Variants in CFAP47 observed in about 807,000 individuals in gnomAD.
CFAP47 encodes cilia- and flagella-associated protein 47.
Under a neutral mutation model 148.1 loss-of-function variants are expected in CFAP47, and 29 were observed. The ratio of observed to expected loss-of-function variants is 0.20; its 90% CI spans 0.15 to 0.27. CFAP47 has a LOEUF of 0.27. Among genes scored for constraint, CFAP47 ranks in the 10% least tolerant of loss-of-function variants. The pLI, the probability that CFAP47 is intolerant of heterozygous loss-of-function variation, is 1.00. For missense variants in CFAP47, 1,872 were observed against 1,697.5 expected, an observed-to-expected ratio of 1.10 and a Z score of -1.81; for synonymous variants, 664 against 577.3, an observed-to-expected ratio of 1.15 and a Z score of -2.15.
chrX:36,242,901 A>G (rs1555996295), intron 48 of CFAP47, among the ~76,000 whole-genome samples: 1 of 111,645 alleles, frequency 9.0e-6, no homozygotes, highest in Non-Finnish European at 1.9e-5. Context: ...GGTCAATGTG[A>G]AAGAAAAAGT....
intron 37 of CFAP47, among the ~76,000 whole-genome samples, chrX:36,150,318 A>G (rs1939292846): frequency 8.9e-6 from 1 of 112,076 alleles, no homozygotes; most frequent in Non-Finnish European, 1.9e-5. Flanking sequence ...CATGTTGGAT[A>G]TGCCAACACA....
At chrX:36,038,498 G>T (rs1052738716) in intron 24 of CFAP47, among the ~76,000 whole-genome samples, 4 of 111,568 alleles carry the variant, frequency 3.6e-5, no homozygotes, top group African/African-American at 1.3e-4. Context: ...GGTAAAATTG[G>T]CCAGTCAACC....
chrX:36,351,412 T>G (rs1941741926), intron 59 of CFAP47, among the ~76,000 whole-genome samples: 1 of 111,938 alleles, frequency 8.9e-6, no homozygotes. Flanking sequence ...TGCTTAAAAT[T>G]TATAATACAC....
intron 53 of CFAP47, among the ~76,000 whole-genome samples, chrX:36,302,655 TAA>T (rs1245233411): frequency 8.9e-6 from 1 of 112,171 alleles, no homozygotes; most frequent in Non-Finnish European, 1.9e-5. Context: ...TGCTGTACAT[TAA>T]AAACCATTAG....
At chrX:36,120,162 CAGGTA>C (rs1488321477) in intron 33 of CFAP47, among the ~76,000 whole-genome samples, 1 of 106,136 alleles carries the variant, frequency 9.4e-6, no homozygotes, top group Non-Finnish European at 1.9e-5. Context: ...CCACCACACC[CAGGTA>C]ATTTTTTTTT....
At position 36,257,878 on chromosome X, in the gene CFAP47, G is replaced by C. The variant is rs370006192; in HGVS notation, c.7444+6434G>C. On this transcript the variant is annotated intron_variant, in intron 49 of 63. Transcript: ENST00000378653. Reference sequence around the variant, plus strand: ...AAAAACTAAATACAAAGGACCAAAGGGTTTCCAGTCATATTAGTAGTCTTC... The same window carrying C: ...AAAAACTAAATACAAAGGACCAAAGCGTTTCCAGTCATATTAGTAGTCTTC... Among the ~76,000 whole-genome samples, 11 of 111,495 alleles carry C rather than the reference G, an allele frequency of 9.9e-5. 1 individual carries two copies. The East Asian group carries it at 2.8e-3, about 29-fold the overall frequency.
At chrX:36,192,227 A>T (rs1441318951) in intron 42 of CFAP47, among the ~76,000 whole-genome samples, 1 of 111,450 alleles carries the variant, frequency 9.0e-6, no homozygotes, top group African/African-American at 3.3e-5. Context: ...TTCTTAACTA[A>T]GGGAGAAACC....
intron 35 of CFAP47, among the ~76,000 whole-genome samples, chrX:36,142,602 C>A (rs57029616): frequency 0.099 from 10,989 of 110,985 alleles, 1,062 homozygotes; most frequent in African/African-American, 0.3. Context: ...TGCTTTAGGT[C>A]ACTTTTGTTT....
At chrX:36,014,280 G>T (rs1937072746) in intron 21 of CFAP47, among the ~76,000 whole-genome samples, 1 of 111,593 alleles carries the variant, frequency 9.0e-6, no homozygotes, top group African/African-American at 3.2e-5. Flanking sequence ...TGAACTTTGA[G>T]TATTCTTTAT....
intron 54 of CFAP47, 47 bp from the exon 55 acceptor site, chrX:36,306,725 A>T (rs971004828): frequency 1.3e-5 from 10 of 796,227 alleles, no homozygotes; most frequent in Non-Finnish European, 1.8e-5. Context: ...ACTCAAGCCA[A>T]TTGGGTATTA....
At chrX:35,928,191 T>C (rs1170600567) in intron 2 of CFAP47, among the ~76,000 whole-genome samples, 1 of 110,432 alleles carries the variant, frequency 9.1e-6, no homozygotes, top group African/African-American at 3.3e-5. Flanking sequence ...TAGGGTCATA[T>C]AGTAATTACA....
At chrX:35,997,663 G>A (rs1018992974) in intron 19 of CFAP47, among the ~76,000 whole-genome samples, 1 of 111,238 alleles carries the variant, frequency 9.0e-6, no homozygotes, top group African/African-American at 3.3e-5. Context: ...TTATGGTCCT[G>A]TCCCTTATAA....
chrX:36,116,174 C>G (rs1287405350), intron 33 of CFAP47, among the ~76,000 whole-genome samples: 1 of 111,738 alleles, frequency 8.9e-6, no homozygotes, highest in Non-Finnish European at 1.9e-5. Context: ...AAATAGTGAA[C>G]ATTGTATCCA....
In CFAP47 at chrX:36,194,354, C is replaced by T. The variant is rs193268271; in HGVS notation, c.6321+4158C>T. Among the ~76,000 whole-genome samples, 3 of 111,313 alleles carry T rather than the reference C, an allele frequency of 2.7e-5. No homozygotes were observed. In the East Asian group the frequency reaches 8.6e-4, roughly 32 times the overall value. On this transcript the variant is annotated intron_variant, in intron 42 of 63. Transcript: ENST00000378653. ...AGTCTCTATGAAGTTCCAGACTTTC[C>T]CTCATCTTTCTATCTCCTTCTGAGC...
At chrX:36,209,712 T>G (rs1940079215) in intron 45 of CFAP47, among the ~76,000 whole-genome samples, 1 of 111,716 alleles carries the variant, frequency 9.0e-6, no homozygotes, top group Non-Finnish European at 1.9e-5. Context: ...AATCCTCTAT[T>G]TATGTATTTT....
chrX:35,928,761 ATTT>A (rs1935782952), intron 2 of CFAP47, among the ~76,000 whole-genome samples: 1 of 110,295 alleles, frequency 9.1e-6, no homozygotes, highest in Non-Finnish European at 1.9e-5. Flanking sequence ...ATGGTTGAAG[ATTT>A]TCTTCTATTT....
At chrX:36,140,126 A>T (rs5973587) in intron 35 of CFAP47, among the ~76,000 whole-genome samples, 1 of 111,379 alleles carries the variant, frequency 9.0e-6, no homozygotes, top group Non-Finnish European at 1.9e-5. Context: ...AACTACACTC[A>T]TGCCTTCAAA....
At chrX:36,327,998 T>C (rs187609175) in intron 57 of CFAP47, among the ~76,000 whole-genome samples, 689 of 111,731 alleles carry the variant, frequency 6.2e-3, no homozygotes, top group African/African-American at 0.021. Context: ...CATTGAGTAC[T>C]ATGCTCACTA....
intron 8 of CFAP47, among the ~76,000 whole-genome samples, chrX:35,962,828 A>C (rs1936349032): frequency 9.1e-6 from 1 of 110,041 alleles, no homozygotes; most frequent in African/African-American, 3.3e-5. Flanking sequence ...ACTTAGGTTG[A>C]TTGCATATTT....
Sources: allele counts gnomAD v4.1 joint callset (sites outside exome capture counted in the v4.1 genomes callset), GRCh38; gene constraint gnomAD v4.1.1; transcripts MANE v1.5; gene names NCBI Gene and HGNC (gene_info 2026-07-23, HGNC 2026-07-21).